The following SPAG16 variants were observed in gnomAD, a reference collection of about 807,000 sequenced individuals.
SPAG16 encodes sperm-associated antigen 16 protein.
In SPAG16, 86 loss-of-function variants were observed where a neutral mutation model predicts 80.4. The observed-to-expected ratio is 1.07, with a 90% CI of 0.90 to 1.28. The LOEUF (loss-of-function observed/expected upper bound fraction) is 1.28. Ranked by LOEUF, SPAG16 falls within the 50% of genes most tolerant of loss-of-function variation. The pLI, the probability that SPAG16 is intolerant of heterozygous loss-of-function variation, is 0.00. For missense variants in SPAG16, 870 were observed against 765.3 expected (o/e 1.14, Z -1.61); for synonymous variants, 294 against 265.9 (o/e 1.11, Z -1.03).
At chr2:213,304,901 A>G (rs770968935) in intron 3 of SPAG16, among the ~76,000 whole-genome samples, 3 of 152,054 alleles carry the variant, frequency 2.0e-5, no homozygotes, top group Non-Finnish European at 4.4e-5. Flanking sequence ...TTCTGTTTCT[A>G]TGAAGAATGT....
At chr2:214,108,465 ACACACACACACACAC>A (rs200045420) in intron 14 of SPAG16, among the ~76,000 whole-genome samples, 13,204 of 113,430 alleles carry the variant, frequency 0.12, 756 homozygotes, top group East Asian at 0.3. Flanking sequence ...ACACACACAC[ACACACACACACACAC>A]CCCCACACAC....
intron 10 of SPAG16, among the ~76,000 whole-genome samples, chr2:213,575,351 T>C (rs1255111978): frequency 6.6e-6 from 1 of 152,156 alleles, no homozygotes; most frequent in East Asian, 1.9e-4. Context: ...TTGGCATAAT[T>C]ATGTTGATAC....
chr2:214,330,015 C>T (rs1696792991), intron 15 of SPAG16, among the ~76,000 whole-genome samples: 1 of 151,658 alleles, frequency 6.6e-6, no homozygotes, highest in Non-Finnish European at 1.5e-5. Flanking sequence ...GCTTGTAATC[C>T]CTGCACTTTG....
chr2:214,154,487 A>G (rs1422402212), intron 15 of SPAG16, among the ~76,000 whole-genome samples: 1 of 138,846 alleles, frequency 7.2e-6, no homozygotes, highest in Non-Finnish European at 1.5e-5. Flanking sequence ...TCAAAATGCA[A>G]AAAGTATCAG....
intron 10 of SPAG16, among the ~76,000 whole-genome samples, chr2:213,666,927 G>T (rs890607915): frequency 5.9e-5 from 9 of 152,062 alleles, no homozygotes; most frequent in Non-Finnish European, 1.5e-5. Context: ...GGATACAATG[G>T]TGACTCTACA....
intron 15 of SPAG16, among the ~76,000 whole-genome samples, chr2:214,269,232 G>T (rs1473948227): frequency 6.6e-6 from 1 of 151,186 alleles, no homozygotes; most frequent in Non-Finnish European, 1.5e-5. Context: ...GAAAAGAAAT[G>T]ACGTTTAAAA....
intron 10 of SPAG16, among the ~76,000 whole-genome samples, chr2:213,815,091 C>G (rs2072438814): frequency 6.6e-6 from 1 of 152,028 alleles, no homozygotes. Context: ...ACACTCCAAC[C>G]TACAATAACA....
intron 15 of SPAG16, among the ~76,000 whole-genome samples, chr2:214,406,524 GT>G (rs1702006088): frequency 6.6e-6 from 1 of 152,002 alleles, no homozygotes; most frequent in African/African-American, 2.4e-5. Context: ...AAATATTCAA[GT>G]TTTTATAACA....
At chr2:214,305,514 T>G (rs375048878) in intron 15 of SPAG16, among the ~76,000 whole-genome samples, 85 of 152,336 alleles carry the variant, frequency 5.6e-4, no homozygotes, top group African/African-American at 1.8e-3. Flanking sequence ...GGGTTTTACA[T>G]TTAAGTCTTT....
Position 213,831,127 on chromosome 2 carries a change from C to A in SPAG16, c.1071-31358C>A, listed in dbSNP as rs191860063. On this transcript the variant is annotated intron_variant, in intron 10 of 15. Transcript: ENST00000331683. ...CAATCTCAGCTCACTGCAACCTTAG[C>A]CTCCTGAGTTCAAGCGATTCTCCTG... is the stretch of plus-strand genomic sequence containing the variant. Among the ~76,000 whole-genome samples, 499 of 148,438 alleles carry A rather than the reference C, an allele frequency of 3.4e-3. 5 individuals carry two copies. The highest frequency in any genetic ancestry group is 6.0e-3 in the Non-Finnish European group (406 of 67,528).
intron 15 of SPAG16, among the ~76,000 whole-genome samples, chr2:214,301,059 A>C (rs1390511513): frequency 1.4e-5 from 2 of 147,682 alleles, no homozygotes; most frequent in African/African-American, 4.9e-5. Flanking sequence ...AATAATAATA[A>C]TAATAATAAA....
At chr2:213,422,200 C>T in intron 9 of SPAG16, 1 of 701,342 alleles carries the variant, frequency 1.4e-6, no homozygotes, top group Non-Finnish European at 2.6e-6. Flanking sequence ...GCTCCACGAG[C>T]CAGTGCTGTG....
chr2:213,968,030 G>A (rs1575676881), intron 12 of SPAG16, among the ~76,000 whole-genome samples: 3 of 152,070 alleles, frequency 2.0e-5, no homozygotes, highest in African/African-American at 4.8e-5. Context: ...TATTCACACA[G>A]CTGCCGCAAT....
intron 15 of SPAG16, among the ~76,000 whole-genome samples, chr2:214,404,059 A>T (rs1167941090): frequency 6.6e-6 from 1 of 152,186 alleles, no homozygotes; most frequent in Non-Finnish European, 1.5e-5. Context: ...ATTACAGAAG[A>T]AACAATCCAA....
intron 15 of SPAG16, among the ~76,000 whole-genome samples, chr2:214,389,645 A>G (rs1333114807): frequency 6.6e-6 from 1 of 152,240 alleles, no homozygotes; most frequent in Non-Finnish European, 1.5e-5. Context: ...TAAGAGAACA[A>G]GCTTAATAGA....
At chr2:213,331,878 AAGC>A (rs1321805299) in intron 5 of SPAG16, among the ~76,000 whole-genome samples, 1 of 152,204 alleles carries the variant, frequency 6.6e-6, no homozygotes, top group Non-Finnish European at 1.5e-5. Context: ...GATACAGTGA[AAGC>A]AGTACTAAGA....
chr2:213,590,665 G>C (rs957482412), intron 10 of SPAG16, among the ~76,000 whole-genome samples: 1 of 152,146 alleles, frequency 6.6e-6, no homozygotes, highest in Non-Finnish European at 1.5e-5. Context: ...TGTTGCTAAG[G>C]TTGTGGAGAA....
In SPAG16 at chr2:214,014,094, C is replaced by G. The variant is rs1206522343; in HGVS notation, c.1527+17C>G. Reference sequence around the variant, plus strand: ...GCAAGAACAGTAAGCAAATCATTCACTTTTTTTCCCAGCTTTTGATAAGTC... The same window carrying G: ...GCAAGAACAGTAAGCAAATCATTCAGTTTTTTTCCCAGCTTTTGATAAGTC... On this transcript the variant is annotated intron_variant, in intron 13 of 15. Coordinates refer to ENST00000331683, the MANE Select transcript of SPAG16 (RefSeq NM_024532.5). The G allele has an allele frequency of 6.2e-7, 1 of 1,610,444 alleles. No individual in the cohort carries two copies. Among genetic ancestry groups the G allele is most frequent in the Non-Finnish European group, 8.5e-7 (1 of 1,178,766 alleles).
At chr2:214,086,437 C>A (rs1340907119) in intron 13 of SPAG16, among the ~76,000 whole-genome samples, 2 of 152,138 alleles carry the variant, frequency 1.3e-5, no homozygotes, top group Non-Finnish European at 2.9e-5. Context: ...GAATTGTAAT[C>A]CCCATGTGTT....
Sources: gnomAD v4.1 joint callset for allele counts (sites outside exome capture counted in the v4.1 genomes callset) on GRCh38, gnomAD v4.1.1 for gene constraint, MANE v1.5 for transcripts, NCBI Gene and HGNC (gene_info 2026-07-23, HGNC 2026-07-21) for gene names.